Variants in POLR3C observed in about 807,000 individuals in gnomAD.
POLR3C encodes the protein DNA-directed RNA polymerase III subunit RPC3.
A neutral mutation model predicts 65.9 loss-of-function variants in POLR3C; 44 were observed. The observed-to-expected ratio is 0.67, with a 90% CI of 0.52 to 0.86. The LOEUF (loss-of-function observed/expected upper bound fraction) is 0.86. Among genes scored for constraint, POLR3C ranks in the 40% least tolerant of loss-of-function variants. The pLI is 0.00. For synonymous variants in POLR3C, 263 were observed against 231.6 expected (o/e 1.14, Z -1.23); for missense variants, 576 against 653.2 (o/e 0.88, Z 1.29).
intron 7 of POLR3C, among the ~76,000 whole-genome samples, chr1:145,836,119 C>CTT (rs77530377): frequency 1.5e-4 from 20 of 133,196 alleles, no homozygotes; most frequent in South Asian, 2.4e-4. Context: ...AAAATTAAAA[C>CTT]TTTTTTTTTT....
At chr1:145,837,427 AC>A (rs1553729041) in intron 9 of POLR3C, 108 bp from the exon 10 acceptor site, 1 of 571,226 alleles carries the variant, frequency 1.8e-6, no homozygotes, top group Non-Finnish European at 3.0e-6. Context: ...AACATGAAAA[AC>A]AAAATAGCAT....
intron 7 of POLR3C, among the ~76,000 whole-genome samples, chr1:145,835,444 CAA>C (rs781982068): frequency 1.4e-4 from 15 of 104,126 alleles, no homozygotes; most frequent in Admixed American, 2.0e-4. Flanking sequence ...GACTCTGTCT[CAA>C]AAAAAAAAAA....
intron 7 of POLR3C, among the ~76,000 whole-genome samples, chr1:145,834,173 C>T (rs941727864): frequency 4.6e-5 from 7 of 152,132 alleles, no homozygotes. Flanking sequence ...AACGCAGTAG[C>T]ATCTGTGTAT....
chr1:145,824,281 G>C lies in POLR3C; in HGVS notation c.-109G>C, dbSNP rs1461600359. On this transcript the variant is annotated 5_prime_UTR_variant, in exon 1 of 15. Coordinates refer to ENST00000334163, the MANE Select transcript of POLR3C (RefSeq NM_006468.8). ...AGAAAGGGCGGTGGGCTCCACCTCG[G>C]CCTAGAAGGCCAGCGGGAGCCGTAG... 2 of 308,136 alleles carry C rather than the reference G, an allele frequency of 6.5e-6. No individual in the cohort carries two copies. Among genetic ancestry groups the C allele is most frequent in the Non-Finnish European group, 1.3e-5 (2 of 157,326 alleles). 19.1% of individuals were successfully genotyped at this position (308,136 alleles called of 1,614,324 possible). A position where few individuals can be genotyped will look rare whatever the true frequency, so the allele number is the denominator to read the frequency against.
intron 9 of POLR3C, 151 bp downstream of exon 9, chr1:145,837,017 G>T (rs1553728939): frequency 1.8e-6 from 1 of 544,638 alleles, no homozygotes; most frequent in Non-Finnish European, 3.2e-6. Flanking sequence ...TGAATTTTCA[G>T]TGAACTGCAT....
chr1:145,836,485 G>A lies in POLR3C; in HGVS notation c.877-9G>A. 1.3e-6 allele frequency: 2 copies of A among 1,540,328 alleles called. No individual in the cohort carries two copies. Among genetic ancestry groups the A allele is most frequent in the South Asian group, 2.2e-5 (2 of 89,534 alleles). Reference sequence around the variant, plus strand: ...CCCAAACCCATTTTAAGTGTCCTTTGCTCCATAGATCTTCAGATCCCTACC... The same window carrying A: ...CCCAAACCCATTTTAAGTGTCCTTTACTCCATAGATCTTCAGATCCCTACC... On this transcript the variant is annotated splice_polypyrimidine_tract_variant and intron_variant, in intron 7 of 14. Coordinates refer to ENST00000334163, the MANE Select transcript of POLR3C (RefSeq NM_006468.8).
chr1:145,825,049 TTGAA>T (rs1559139568), intron 1 of POLR3C, among the ~76,000 whole-genome samples: 2 of 152,130 alleles, frequency 1.3e-5, no homozygotes, highest in African/African-American at 4.8e-5. Context: ...TTTACAATAA[TTGAA>T]TTTTTATATT....
rs587613161 is a variant in POLR3C, at chr1:145,834,092, G to A, written c.876+510G>A. ...GCCCTACAGCACACCTAGACTGAAC[G>A]GGATAGCCTATGGCTTCTAGGCTGT... On this transcript the variant is annotated intron_variant, in intron 7 of 14. Coordinates refer to ENST00000334163, the MANE Select transcript of POLR3C (RefSeq NM_006468.8). Among the ~76,000 whole-genome samples, 4 of 152,258 alleles carry A rather than the reference G, an allele frequency of 2.6e-5. No homozygotes were observed. In the South Asian group the frequency reaches 6.2e-4, roughly 24 times the overall value.
chr1:145,839,188 T>A (rs1043945940), intron 11 of POLR3C, among the ~76,000 whole-genome samples: 3 of 152,116 alleles, frequency 2.0e-5, no homozygotes, highest in Non-Finnish European at 2.9e-5. Context: ...GGAGAATTGC[T>A]TGAACCTGGG....
In POLR3C at chr1:145,826,984, G is replaced by T. The variant is rs1415469308; in HGVS notation, c.568G>T (p.Val190Phe). The T allele has an allele frequency of 5.6e-6, 9 of 1,610,110 alleles. No individual in the cohort carries two copies. The highest frequency in any genetic ancestry group is 7.6e-6 in the Non-Finnish European group (9 of 1,179,080). ...LVINEKDMYL[V>F]PKLSLIGKGK... ...CATTAATGAAAAGGACATGTACCTG[G>T]TTCCTAAACTCAGCTTGATAGGTAA... Residue 190 changes from valine (V) to phenylalanine (F), a missense_variant, in exon 4 of 15, where the codon GTT (valine) becomes TTT (phenylalanine). Physicochemically the swap from Val to Phe is conservative, Grantham distance 50 (BLOSUM62 -1). Coordinates refer to ENST00000334163, the MANE Select transcript of POLR3C (RefSeq NM_006468.8).
Position 145,842,793 on chromosome 1 carries a change from T to TGATAGATAGATA in POLR3C, c.*386_*397dup, listed in dbSNP as rs1201196967. On this transcript the variant is annotated 3_prime_UTR_variant, in exon 15 of 15. Coordinates refer to ENST00000334163, the MANE Select transcript of POLR3C (RefSeq NM_006468.8). ...CTGTTCTTTATTTTGTTGAGATAGGTGATAGATAGATAGATAGATAGATAA... is the reference window on the plus strand; with the variant it reads ...CTGTTCTTTATTTTGTTGAGATAGGTGATAGATAGATAGATAGATAGATAGATAGATAGATAA... 6.2e-3 allele frequency among the ~76,000 whole-genome samples: 889 copies of TGATAGATAGATA among 142,408 alleles called. 2 individuals carry two copies. The highest frequency in any genetic ancestry group is 0.015 in the African/African-American group (479 of 33,022). 93.4% of individuals were successfully genotyped at this position (142,408 alleles called of 152,430 possible). A position where few individuals can be genotyped will look rare whatever the true frequency, so the allele number is the denominator to read the frequency against.
chr1:145,826,443 G>A lies in POLR3C; in HGVS notation c.148-11G>A, dbSNP rs1553725743. The A allele has an allele frequency of 6.2e-7, 1 of 1,611,566 alleles. No individual in the cohort carries two copies. Among genetic ancestry groups the A allele is most frequent in the South Asian group, 1.1e-5 (1 of 91,024 alleles). On this transcript the variant is annotated splice_polypyrimidine_tract_variant and intron_variant, in intron 2 of 14. Transcript: ENST00000334163. ...TCTTTCCTCTCTTTCTTCTCTTTAT[G>A]TTCCATTTAGGTGAAGAAAGCCCTG... is the stretch of plus-strand genomic sequence containing the variant.
In POLR3C at chr1:145,826,194, C is replaced by T. The variant is rs150789770; in HGVS notation, c.148-260C>T. Among the ~76,000 whole-genome samples, 78 of 152,290 alleles carry T rather than the reference C, an allele frequency of 5.1e-4. 1 individual carries two copies. In the East Asian group the frequency reaches 0.014, roughly 27 times the overall value. On this transcript the variant is annotated intron_variant, in intron 2 of 14. Coordinates refer to ENST00000334163, the MANE Select transcript of POLR3C (RefSeq NM_006468.8). ...CACAATAAGTCTATTAATCTCAGTA[C>T]TGCCTTTAAGGAATGAGAATGATGA...
At chr1:145,837,643 C>T (rs1553729155) in intron 10 of POLR3C, 47 bp downstream of exon 10, 3 of 1,202,992 alleles carry the variant, frequency 2.5e-6, no homozygotes, top group Non-Finnish European at 3.7e-6. Context: ...TTCCTATCCC[C>T]AGTGAAGTAA....
intron 14 of POLR3C, among the ~76,000 whole-genome samples, chr1:145,842,027 G>A (rs1652330526): frequency 6.6e-6 from 1 of 152,028 alleles, no homozygotes; most frequent in Non-Finnish European, 1.5e-5. Context: ...GACACTCTTA[G>A]TTTCTTGCTA....
In POLR3C at chr1:145,838,223, G is replaced by A. The variant is rs782280281; in HGVS notation, c.1221+17G>A. 31 of 1,605,708 alleles carry A rather than the reference G, an allele frequency of 1.9e-5. No individual in the cohort carries two copies. In the Admixed American group the frequency reaches 3.0e-4, roughly 16 times the overall value. On this transcript the variant is annotated intron_variant, in intron 11 of 14. Coordinates refer to ENST00000334163, the MANE Select transcript of POLR3C (RefSeq NM_006468.8). ...TCACTCCAGGTAACCAACCAAGGGC[G>A]TAATAATTGCCAACCAGCAAAGCTG... is the stretch of plus-strand genomic sequence containing the variant.
Position 145,840,984 on chromosome 1 carries a change from C to T in POLR3C, c.1436C>T (p.Ala479Val). The T allele has an allele frequency of 2.5e-6, 4 of 1,612,752 alleles. No homozygotes were observed. Among genetic ancestry groups the T allele is most frequent in the Non-Finnish European group, 3.4e-6 (4 of 1,178,770 alleles). ...AIIASMQATG[A>V]EEAQLQEIEE... Reference sequence around the variant, plus strand: ...ATTGCATCTATGCAGGCTACTGGTGCAGAGGAAGCACAGTTACAAGAAATA... The same window carrying T: ...ATTGCATCTATGCAGGCTACTGGTGTAGAGGAAGCACAGTTACAAGAAATA... Residue 479 changes from alanine to valine, a missense_variant, in exon 14 of 15, where the codon GCA becomes GTA. By Grantham distance (64) the Ala-to-Val change is moderately conservative. Coordinates refer to ENST00000334163, the MANE Select transcript of POLR3C (RefSeq NM_006468.8).
intron 8 of POLR3C, 72 bp downstream of exon 8, chr1:145,836,646 C>T (rs370663215): frequency 9.9e-7 from 1 of 1,008,002 alleles, no homozygotes; most frequent in East Asian, 2.4e-5. Flanking sequence ...GCACTGATAC[C>T]TAGTGTCATC....
intron 7 of POLR3C, among the ~76,000 whole-genome samples, chr1:145,834,394 G>A (rs1553727992): frequency 6.6e-6 from 1 of 151,998 alleles, no homozygotes; most frequent in African/African-American, 2.4e-5. Context: ...AGGCTGAGCG[G>A]GGTGGCTCAC....
Sources: gnomAD v4.1 joint callset for allele counts (sites outside exome capture counted in the v4.1 genomes callset) on GRCh38, gnomAD v4.1.1 for gene constraint, MANE v1.5 for transcripts, NCBI Gene and HGNC (gene_info 2026-07-23, HGNC 2026-07-21) for gene names.